Variants in ULK2 observed in about 807,000 individuals in gnomAD.
ULK2 encodes unc-51 like autophagy activating kinase 2.
In ULK2, 76 loss-of-function variants were observed where a neutral mutation model predicts 127.5. The observed-to-expected ratio is 0.60, with a 90% CI of 0.50 to 0.72. ULK2 has a LOEUF of 0.72. ULK2 is among the 30% of genes least tolerant of loss of function. The pLI, the probability that ULK2 is intolerant of heterozygous loss-of-function variation, is 0.00. For synonymous variants in ULK2, 452 were observed against 461.9 expected (o/e 0.98, Z 0.28); for missense variants, 1,144 against 1,295.9 (o/e 0.88, Z 1.80).
At chr17:19,862,362 G>A (rs2042260541) in intron 3 of ULK2, among the ~76,000 whole-genome samples, 1 of 151,748 alleles carries the variant, frequency 6.6e-6, no homozygotes. Context: ...CTCCCAAAGT[G>A]TGGATTACAG....
At chr17:19,857,133 T>C (rs1361326011) in intron 3 of ULK2, among the ~76,000 whole-genome samples, 2 of 151,306 alleles carry the variant, frequency 1.3e-5, no homozygotes, top group Non-Finnish European at 2.9e-5. Flanking sequence ...CGGCAAAACC[T>C]CGTCTCTACC....
At chr17:19,841,579 AC>A in intron 8 of ULK2, 32 bp from the exon 9 acceptor site, 2 of 1,521,300 alleles carry the variant, frequency 1.3e-6, no homozygotes, top group Non-Finnish European at 1.8e-6. Flanking sequence ...AATTTCCTAA[AC>A]AATGGGGGCA....
intron 10 of ULK2, 52 bp downstream of exon 10, chr17:19,838,449 C>T: frequency 6.9e-7 from 1 of 1,458,698 alleles, no homozygotes; most frequent in Non-Finnish European, 9.4e-7. Context: ...AATCTTTCGG[C>T]ATATATAACA....
At chr17:19,796,031 CA>C (rs1390456141) in intron 19 of ULK2, 63 bp downstream of exon 19, 1 of 1,542,080 alleles carries the variant, frequency 6.5e-7, no homozygotes, top group Non-Finnish European at 8.7e-7. Context: ...GCTTTTATAA[CA>C]GAAATCTATG....
At chr17:19,808,795 G>A (rs1033815674) in intron 14 of ULK2, among the ~76,000 whole-genome samples, 5 of 152,192 alleles carry the variant, frequency 3.3e-5, no homozygotes, top group African/African-American at 1.2e-4. Flanking sequence ...TGAGAATGTG[G>A]AGAAACTGGA....
At chr17:19,816,562 G>T in intron 13 of ULK2, 187 bp downstream of exon 13, 1 of 439,184 alleles carries the variant, frequency 2.3e-6, no homozygotes, top group Non-Finnish European at 3.7e-6. Context: ...CAAAATTATT[G>T]TTTAATAGAA....
At chr17:19,783,556 C>A in intron 22 of ULK2, 141 bp downstream of exon 22, 1 of 811,054 alleles carries the variant, frequency 1.2e-6, no homozygotes, top group Non-Finnish European at 1.7e-6. Flanking sequence ...AAAAAGACAT[C>A]AGCAATACTT....
chr17:19,801,494 T>C lies in ULK2; in HGVS notation c.1441+283A>G, dbSNP rs1173106813. Among the ~76,000 whole-genome samples the C allele has an allele frequency of 2.0e-5, 3 of 152,094 alleles. No individual in the cohort carries two copies. The East Asian group carries it at 5.8e-4, about 29-fold the overall frequency. On this transcript the variant is annotated intron_variant, in intron 16 of 26. Coordinates refer to ENST00000395544, the MANE Select transcript of ULK2 (RefSeq NM_014683.4). ...TACTTGGGAGACTGAGGTGAAAAGA[T>C]CCTTTGAACCTGGGAAGCAGAGGCT... is the stretch of plus-strand genomic sequence containing the variant.
intron 22 of ULK2, 48 bp from the exon 23 acceptor site, chr17:19,782,115 T>C (rs1233961909): frequency 6.4e-7 from 1 of 1,563,864 alleles, no homozygotes; most frequent in Non-Finnish European, 8.7e-7. Context: ...TAAAAATACG[T>C]ACATACTCAT....
Position 19,867,456 on chromosome 17 carries a change from CGCAGTGCGGCGCAGGTATCA to C in ULK2, c.-59_-40del, listed in dbSNP as rs747015065. On this transcript the variant is annotated 5_prime_UTR_variant, in exon 1 of 27. An upstream open reading frame in the 5' UTR loses its in-frame stop. Coordinates refer to ENST00000395544, the MANE Select transcript of ULK2 (RefSeq NM_014683.4). ...GGGCACACAGCGGACGGGCGGGCGGCGCAGTGCGGCGCAGGTATCAGCACCGCGGCTCCGCGGGCCCGGAG... is the reference window on the plus strand; with the variant it reads ...GGGCACACAGCGGACGGGCGGGCGGCGCACCGCGGCTCCGCGGGCCCGGAG... 4 of 1,542,426 alleles carry C rather than the reference CGCAGTGCGGCGCAGGTATCA, an allele frequency of 2.6e-6. No homozygotes were observed. The highest frequency in any genetic ancestry group is 1.8e-5 in the Admixed American group (1 of 54,136).
intron 24 of ULK2, 143 bp from the exon 25 acceptor site, chr17:19,780,772 T>G (rs1597703622): frequency 9.4e-7 from 1 of 1,066,916 alleles, no homozygotes; most frequent in East Asian, 2.6e-5. Flanking sequence ...GATTTTTTCA[T>G]GTTATCTCTT....
chr17:19,797,602 TGTCA>T lies in ULK2; in HGVS notation c.1599_1602del (p.Asp534SerfsTer86). ...CTGAGCTTCTGCTTGTTCTGATAGA[TGTCA>T]GTGAGGGTGGGGGCGCTCTGCAGTC... is the stretch of plus-strand genomic sequence containing the variant. On this transcript the variant is annotated frameshift_variant, in exon 18 of 27. Transcript: ENST00000395544. LOFTEE classifies it high-confidence loss of function. The T allele has an allele frequency of 6.2e-7, 1 of 1,613,646 alleles. No individual in the cohort carries two copies. Among genetic ancestry groups the T allele is most frequent in the Non-Finnish European group, 8.5e-7 (1 of 1,179,898 alleles).
At chr17:19,822,965 C>T (rs182205243) in intron 12 of ULK2, among the ~76,000 whole-genome samples, 4 of 150,806 alleles carry the variant, frequency 2.7e-5, no homozygotes, top group Admixed American at 6.6e-5. Context: ...GGATTACAGG[C>T]GTGAGTCACC....
chr17:19,794,499 AAGAC>A (rs1191480044), intron 20 of ULK2, among the ~76,000 whole-genome samples: 2 of 152,170 alleles, frequency 1.3e-5, no homozygotes, highest in African/African-American at 4.8e-5. Context: ...CGGAGAATCA[AAGAC>A]AGAGAAAATT....
At chr17:19,779,531 CAAAAAAAAAAAA>C (rs55957234) in intron 25 of ULK2, among the ~76,000 whole-genome samples, 2 of 67,998 alleles carry the variant, frequency 2.9e-5, no homozygotes, top group Non-Finnish European at 5.5e-5. Context: ...AACTCCATCT[CAAAAAAAAAAAA>C]AAAAAAAAAA....
chr17:19,837,520 C>A (rs568744370), intron 10 of ULK2, among the ~76,000 whole-genome samples: 3 of 152,164 alleles, frequency 2.0e-5, no homozygotes, highest in Non-Finnish European at 4.4e-5. Flanking sequence ...CTTCTGACAT[C>A]GACACTTAGA....
At chr17:19,802,044 T>C (rs560089739) in intron 15 of ULK2, 122 bp from the exon 16 acceptor site, 2 of 1,110,816 alleles carry the variant, frequency 1.8e-6, no homozygotes, top group African/African-American at 1.6e-5. Context: ...TACAGTCACA[T>C]GGAACAATTA....
chr17:19,801,888 T>C lies in ULK2; in HGVS notation c.1330A>G (p.Met444Val), dbSNP rs761764128. 3.2e-5 allele frequency: 51 copies of C among 1,613,920 alleles called. No individual in the cohort carries two copies. The highest frequency in any genetic ancestry group is 4.2e-5 in the Non-Finnish European group (49 of 1,179,964). The change falls in exon 16 of 27, where the codon ATG (methionine) becomes GTG (valine). Residue 444 changes from methionine (M) to valine (V), a missense_variant. Coordinates refer to ENST00000395544, the MANE Select transcript of ULK2 (RefSeq NM_014683.4). Reference protein sequence around the residue: ...AVVRRSNTSPMGFLRPGSCSP... With the variant: ...AVVRRSNTSPVGFLRPGSCSP... ...CATGATCCCGGCCGGAGGAAGCCCA[T>C]GGGGCTGGTGTTGGACCTTCGTACC... is the stretch of plus-strand genomic sequence containing the variant.
At chr17:19,863,308 A>G (rs2042281932) in intron 3 of ULK2, among the ~76,000 whole-genome samples, 1 of 152,188 alleles carries the variant, frequency 6.6e-6, no homozygotes, top group Non-Finnish European at 1.5e-5. Context: ...ATAGGATCAC[A>G]TAACATATAC....
Sources: gnomAD v4.1 joint callset for allele counts (sites outside exome capture counted in the v4.1 genomes callset) on GRCh38, gnomAD v4.1.1 for gene constraint, MANE v1.5 for transcripts, NCBI Gene and HGNC (gene_info 2026-07-23, HGNC 2026-07-21) for gene names.